Variants in CREB5 observed in about 807,000 individuals in gnomAD.
The protein encoded by CREB5 is cyclic AMP-responsive element-binding protein 5.
Under a neutral mutation model 57.1 loss-of-function variants are expected in CREB5, and 19 were observed. That is an observed-to-expected ratio of 0.33 (90% CI 0.23 to 0.49). CREB5 has a LOEUF of 0.49. Ranked by LOEUF, CREB5 falls within the 20% of genes least tolerant of loss-of-function variation. The pLI is 0.99. For missense variants in CREB5, 579 were observed against 671.6 expected (o/e 0.86, Z 1.52); for synonymous variants, 238 against 238.3 (o/e 1.00, Z 0.01).
chr7:28,686,059 C>A (rs961096157), intron 5 of CREB5: 2 of 1,459,130 alleles, frequency 1.4e-6, no homozygotes, highest in East Asian at 2.3e-5. Context: ...ATTACATCAT[C>A]GCTTGGCCTG....
chr7:28,348,541 A>T (rs1786122224), intron 1 of CREB5, among the ~76,000 whole-genome samples: 1 of 152,128 alleles, frequency 6.6e-6, no homozygotes, highest in African/African-American at 2.4e-5. Context: ...GGAAGCTATT[A>T]TTATTAGCTA....
intron 3 of CREB5, among the ~76,000 whole-genome samples, chr7:28,500,910 G>A (rs547361032): frequency 6.6e-5 from 10 of 152,138 alleles, no homozygotes; most frequent in Admixed American, 2.0e-4. Context: ...ACTTCCCACC[G>A]TGTGTATTAA....
At chr7:28,594,080 C>A (rs1342172658) in intron 5 of CREB5, among the ~76,000 whole-genome samples, 1 of 152,178 alleles carries the variant, frequency 6.6e-6, no homozygotes, top group Non-Finnish European at 1.5e-5. Flanking sequence ...TTAGCAAATA[C>A]TCCCTCAGGC....
intron 1 of CREB5, among the ~76,000 whole-genome samples, chr7:28,340,129 C>T (rs531134609): frequency 2.2e-3 from 335 of 152,246 alleles, no homozygotes; most frequent in Non-Finnish European, 2.2e-3. Flanking sequence ...GTGCCCTACC[C>T]CACTGTGGCC....
chr7:28,617,418 T>G (rs1210844564), intron 5 of CREB5, among the ~76,000 whole-genome samples: 1 of 152,198 alleles, frequency 6.6e-6, no homozygotes, highest in East Asian at 1.9e-4. Flanking sequence ...TACTTTCTCT[T>G]TAGTGCATCT....
intron 5 of CREB5, among the ~76,000 whole-genome samples, chr7:28,639,651 A>G (rs886781118): frequency 1.3e-5 from 2 of 152,120 alleles, no homozygotes; most frequent in African/African-American, 4.8e-5. Context: ...AGACCTCACA[A>G]GGACTTACCT....
chr7:28,414,852 A>T (rs1481578867), intron 1 of CREB5, among the ~76,000 whole-genome samples: 1 of 151,986 alleles, frequency 6.6e-6, no homozygotes, highest in Non-Finnish European at 1.5e-5. Context: ...TCTTCCAGAA[A>T]CCCCACTAAA....
At chr7:28,589,263 T>C (rs1796407818) in intron 5 of CREB5, among the ~76,000 whole-genome samples, 1 of 152,006 alleles carries the variant, frequency 6.6e-6, no homozygotes, top group African/African-American at 2.4e-5. Flanking sequence ...ATTAATAGAG[T>C]TGATATTTGG....
At chr7:28,480,722 T>C (rs548351181) in intron 1 of CREB5, among the ~76,000 whole-genome samples, 1 of 152,328 alleles carries the variant, frequency 6.6e-6, no homozygotes, top group East Asian at 1.9e-4. Flanking sequence ...AGATGTGATG[T>C]CTTCTGCAAG....
intron 6 of CREB5, among the ~76,000 whole-genome samples, chr7:28,719,239 G>T (rs1328471786): frequency 1.4e-5 from 2 of 145,562 alleles, no homozygotes; most frequent in African/African-American, 5.1e-5. Flanking sequence ...GTCTAACCAG[G>T]ACTCAGGATA....
At chr7:28,585,666 A>T (rs550420764) in intron 5 of CREB5, among the ~76,000 whole-genome samples, 1 of 152,238 alleles carries the variant, frequency 6.6e-6, no homozygotes, top group South Asian at 2.1e-4. Flanking sequence ...TTGAGTTTAT[A>T]TGCTCCCAGA....
intron 7 of CREB5, among the ~76,000 whole-genome samples, chr7:28,725,564 C>G (rs1803281595): frequency 6.6e-6 from 1 of 150,900 alleles, no homozygotes; most frequent in South Asian, 2.1e-4. Flanking sequence ...CCCTGCTGAG[C>G]CAAACCAAAT....
chr7:28,420,267 CT>C (rs1788188799), intron 1 of CREB5, among the ~76,000 whole-genome samples: 2 of 152,198 alleles, frequency 1.3e-5, no homozygotes, highest in Admixed American at 6.5e-5. Flanking sequence ...TGCTTTCTTT[CT>C]TTTTTCCCTT....
intron 1 of CREB5, among the ~76,000 whole-genome samples, chr7:28,319,710 A>G (rs1052335674): frequency 7.9e-5 from 12 of 152,026 alleles, no homozygotes; most frequent in Non-Finnish European, 1.6e-4. Context: ...GGGTAGAGTG[A>G]GCATCCCCGA....
chr7:28,571,795 C>T (rs1795714541), intron 5 of CREB5, among the ~76,000 whole-genome samples: 1 of 152,278 alleles, frequency 6.6e-6, no homozygotes, highest in South Asian at 2.1e-4. Flanking sequence ...TTTAAGAGCA[C>T]ATGGGTTCTT....
intron 7 of CREB5, among the ~76,000 whole-genome samples, chr7:28,760,646 A>G (rs1805590655): frequency 6.6e-6 from 1 of 152,002 alleles, no homozygotes; most frequent in Non-Finnish European, 1.5e-5. Context: ...TCCCTCCAAA[A>G]TATAGCATTC....
At chr7:28,440,244 G>A (rs1225015385) in intron 1 of CREB5, among the ~76,000 whole-genome samples, 1 of 152,100 alleles carries the variant, frequency 6.6e-6, no homozygotes, top group East Asian at 1.9e-4. Context: ...TATAGGTTTG[G>A]TGCTCTGTGA....
chr7:28,552,560 T>C (rs940616608), intron 4 of CREB5, among the ~76,000 whole-genome samples: 4 of 152,138 alleles, frequency 2.6e-5, no homozygotes, highest in African/African-American at 7.2e-5. Context: ...CATCAGCAGA[T>C]AGCAACTCAT....
chr7:28,666,665 A>G (rs76452733), intron 5 of CREB5, among the ~76,000 whole-genome samples: 2,147 of 152,260 alleles, frequency 0.014, 48 homozygotes, highest in African/African-American at 0.041. Flanking sequence ...ATCCCACTTC[A>G]ACAAACTTTG....
Sources: gnomAD v4.1 joint callset for allele counts (sites outside exome capture counted in the v4.1 genomes callset) on GRCh38, gnomAD v4.1.1 for gene constraint, MANE v1.5 for transcripts, NCBI Gene and HGNC (gene_info 2026-07-23, HGNC 2026-07-21) for gene names.